TJP2: variants seen among roughly 807,000 people sequenced by gnomAD.
TJP2 encodes the protein tight junction protein 2.
In TJP2, 91 loss-of-function variants were observed where a neutral mutation model predicts 133.1. That is an observed-to-expected ratio of 0.68 (90% CI 0.58 to 0.81). The LOEUF (loss-of-function observed/expected upper bound fraction) is 0.81. TJP2 is among the 40% of genes least tolerant of loss of function. The probability of loss-of-function intolerance (pLI) is 0.00; values close to 1 mark genes in which losing one functional copy is unlikely to be tolerated. For synonymous variants in TJP2, 592 were observed against 583.4 expected (o/e 1.01, Z -0.21); for missense variants, 1,541 against 1,565.6 (o/e 0.98, Z 0.26).
At chr9:69,192,672 T>A (rs1826282398) in intron 1 of TJP2, among the ~76,000 whole-genome samples, 1 of 152,216 alleles carries the variant, frequency 6.6e-6, no homozygotes, top group African/African-American at 2.4e-5. Flanking sequence ...TTTCTCAGAA[T>A]GTTTAGTAAA....
intron 1 of TJP2, among the ~76,000 whole-genome samples, chr9:69,147,399 G>A (rs1031287056): frequency 4.6e-5 from 7 of 152,170 alleles, no homozygotes; most frequent in African/African-American, 1.7e-4. Context: ...CTGAACCTAT[G>A]ATTAGGGAAT....
chr9:69,249,234 T>G (rs541692088), intron 19 of TJP2, 141 bp from the exon 20 acceptor site: 16 of 1,496,574 alleles, frequency 1.1e-5, no homozygotes, highest in Non-Finnish European at 1.4e-5. Context: ...TGATGGTTTC[T>G]GCCTGTTCAG....
At chr9:69,174,271 C>G (rs1171927770), upstream of TJP2, 1 of 1,528,786 alleles carries the variant, frequency 6.5e-7, no homozygotes, top group Admixed American at 2.0e-5. Flanking sequence ...GGTTGGGCTG[C>G]GGGTCAGAGC....
intron 1 of TJP2, among the ~76,000 whole-genome samples, chr9:69,137,524 G>A (rs924906968): frequency 1.3e-5 from 2 of 151,208 alleles, no homozygotes; most frequent in African/African-American, 4.9e-5. Flanking sequence ...CACCAGGCCC[G>A]GCCAATTTTT....
At chr9:69,210,796 T>C (rs1297825082) in intron 1 of TJP2, among the ~76,000 whole-genome samples, 1 of 150,842 alleles carries the variant, frequency 6.6e-6, no homozygotes, top group Non-Finnish European at 1.5e-5. Flanking sequence ...TCTCACTATG[T>C]TGCTCAGGTT....
chr9:69,148,953 T>TA (rs1265504769), intron 1 of TJP2, among the ~76,000 whole-genome samples: 4 of 152,188 alleles, frequency 2.6e-5, no homozygotes, highest in Non-Finnish European at 4.4e-5. Flanking sequence ...AATACTAACC[T>TA]AAAATACCCA....
intron 1 of TJP2, among the ~76,000 whole-genome samples, chr9:69,180,946 A>T (rs1397528019): frequency 6.6e-6 from 1 of 152,156 alleles, no homozygotes; most frequent in African/African-American, 2.4e-5. Context: ...CCAGAAGCTA[A>T]CAGAGCACCA....
rs1830033036 is a variant in TJP2, at chr9:69,234,508, G to A, written c.1741G>A (p.Gly581Ser). The stretch of plus-strand genomic sequence containing the variant: ...TCTCTACCTGTTAGAAATCCCTAAA[G>A]GTGAAATGGTGACCATTTTAGCTCA... ...AVLYLLEIPK[G>S]EMVTILAQSR... The change falls in exon 12 of 23, where the codon GGT (glycine) becomes AGT (serine). Residue 581 changes from glycine to serine, a missense_variant. Transcript: ENST00000377245. 1 of 1,534,998 alleles carries A rather than the reference G, an allele frequency of 6.5e-7. No homozygotes were observed. The highest frequency in any genetic ancestry group is 8.8e-7 in the Non-Finnish European group (1 of 1,132,534).
At chr9:69,165,969 A>G (rs1824329430) in intron 2 of TJP2, among the ~76,000 whole-genome samples, 1 of 152,166 alleles carries the variant, frequency 6.6e-6, no homozygotes, top group Admixed American at 6.5e-5. Context: ...GATGAGCCCT[A>G]TAAGTCACCT....
At chr9:69,169,731 A>G (rs920949882), upstream of TJP2, among the ~76,000 whole-genome samples, 2 of 152,138 alleles carry the variant, frequency 1.3e-5, no homozygotes, top group Admixed American at 6.5e-5. Flanking sequence ...TATTGCAGAT[A>G]TATACATATA....
chr9:69,166,121 A>AT (rs11297712), intron 2 of TJP2, among the ~76,000 whole-genome samples: 1 of 151,700 alleles, frequency 6.6e-6, no homozygotes, highest in African/African-American at 2.4e-5. Context: ...ATTCTTTTTT[A>AT]TTTTTTTTTG....
chr9:69,205,624 C>A (rs931196454), intron 1 of TJP2, among the ~76,000 whole-genome samples: 2 of 152,194 alleles, frequency 1.3e-5, no homozygotes, highest in Non-Finnish European at 2.9e-5. Flanking sequence ...AATCTATATT[C>A]TTATTATGTC....
At chr9:69,180,972 G>A (rs960669538) in intron 1 of TJP2, among the ~76,000 whole-genome samples, 14 of 152,100 alleles carry the variant, frequency 9.2e-5, no homozygotes, top group African/African-American at 3.1e-4. Context: ...TCCACTAAAC[G>A]TTGGACTGAC....
intron 1 of TJP2, among the ~76,000 whole-genome samples, chr9:69,199,424 C>T (rs1387778625): frequency 1.3e-5 from 2 of 152,044 alleles, no homozygotes; most frequent in Non-Finnish European, 2.9e-5. Context: ...CCAGCTACTC[C>T]GGGGCTGAGG....
intron 1 of TJP2, among the ~76,000 whole-genome samples, chr9:69,201,288 T>G (rs1369074699): frequency 6.6e-6 from 1 of 152,252 alleles, no homozygotes; most frequent in African/African-American, 2.4e-5. Context: ...GTCCTTCTGA[T>G]GCCATTGGTA....
chr9:69,238,910 G>C, intron 16 of TJP2, 121 bp downstream of exon 16: 1 of 882,802 alleles, frequency 1.1e-6, no homozygotes, highest in South Asian at 1.4e-5. Flanking sequence ...AAAATTGGCC[G>C]GGCACAGTGG....
Position 69,254,523 on chromosome 9 carries a change from G to C in TJP2, c.*149G>C, listed in dbSNP as rs1408936373. ...CGTGTGTCCTCATGGAGAACCCAGGGGACAGCTGGTGCAAATTCAGAACTG... is the reference window on the plus strand; with the variant it reads ...CGTGTGTCCTCATGGAGAACCCAGGCGACAGCTGGTGCAAATTCAGAACTG... On this transcript the variant is annotated 3_prime_UTR_variant, in exon 23 of 23. Coordinates refer to ENST00000377245, the MANE Select transcript of TJP2 (RefSeq NM_004817.4). 2 of 1,023,124 alleles carry C rather than the reference G, an allele frequency of 2.0e-6. No individual in the cohort carries two copies. The highest frequency in any genetic ancestry group is 2.0e-5 in the Admixed American group (1 of 50,132). 63.4% of individuals were successfully genotyped at this position (1,023,124 alleles called of 1,614,324 possible).
chr9:69,135,895 C>T (rs1015190690), intron 1 of TJP2, among the ~76,000 whole-genome samples: 6 of 152,138 alleles, frequency 3.9e-5, no homozygotes, highest in Admixed American at 2.6e-4. Context: ...CGTGAGTCAC[C>T]GTGCCCAGCC....
At chr9:69,151,203 C>A (rs11145461) in intron 1 of TJP2, among the ~76,000 whole-genome samples, 1 of 151,954 alleles carries the variant, frequency 6.6e-6, no homozygotes, top group Non-Finnish European at 1.5e-5. Context: ...GATTGTGGGC[C>A]GGGCGCAGTG....
Sources: allele counts gnomAD v4.1 joint callset (sites outside exome capture counted in the v4.1 genomes callset), GRCh38; gene constraint gnomAD v4.1.1; transcripts MANE v1.5; gene names NCBI Gene and HGNC (gene_info 2026-07-23, HGNC 2026-07-21).